The following DBNL variants were observed in gnomAD, a reference collection of about 807,000 sequenced individuals.
DBNL encodes the protein drebrin like, also known as drebrin-like protein.
A neutral mutation model predicts 62.2 loss-of-function variants in DBNL; 35 were observed. The ratio of observed to expected loss-of-function variants is 0.56; its 90% CI spans 0.43 to 0.75. The LOEUF (loss-of-function observed/expected upper bound fraction) is 0.75, where lower values mean the gene tolerates loss of function less well. Ranked by LOEUF, DBNL falls within the 30% of genes least tolerant of loss-of-function variation. The pLI, the probability that DBNL is intolerant of heterozygous loss-of-function variation, is 0.00. For missense variants in DBNL, 495 were observed against 578.4 expected (o/e 0.86, Z 1.48); for synonymous variants, 197 against 218.0 (o/e 0.90, Z 0.85).
intron 3 of DBNL, among the ~76,000 whole-genome samples, chr7:44,052,610 C>CAA (rs756096866): frequency 3.6e-5 from 4 of 109,888 alleles, no homozygotes; most frequent in East Asian, 2.9e-4. Context: ...ACTCCATCTC[C>CAA]AAAAAAAAAA....
At position 44,053,713 on chromosome 7, in the gene DBNL, G is replaced by A. The variant is rs192651795; in HGVS notation, c.327+772G>A. Among the ~76,000 whole-genome samples the A allele has an allele frequency of 4.0e-4, 59 of 147,026 alleles. 1 individual carries two copies. In the East Asian group the frequency reaches 0.01, roughly 25 times the overall value. ...TTTTTTTGAGACTGAGTCTCGCTCC[G>A]TTGCCCAGGCTGGAGTGCAGTGGCG... On this transcript the variant is annotated intron_variant, in intron 4 of 12. Transcript: ENST00000448521.
chr7:44,060,264 C>T lies in DBNL; in HGVS notation c.1153+111C>T. On this transcript the variant is annotated intron_variant, in intron 12 of 12. Transcript: ENST00000448521. The surrounding 1 kb of genome is among the most constrained non-coding windows in gnomAD (Gnocchi z 6.3). ...ACCAGGGGGTATCAGGAAGAGAAGA[C>T]AGGAGGGTGGGCGGTGCGTTTAGGG... 1 of 1,007,750 alleles carries T rather than the reference C, an allele frequency of 9.9e-7. No homozygotes were observed. Among genetic ancestry groups the T allele is most frequent in the Admixed American group, 2.3e-5 (1 of 44,172 alleles). The allele number at this position is 1,007,750 out of a possible 1,614,324, so 62.4% of individuals were successfully genotyped here. A position where few individuals can be genotyped will look rare whatever the true frequency, so the allele number is the denominator to read the frequency against.
chr7:44,063,851 A>C lies in DBNL; in HGVS notation c.*2935A>C, dbSNP rs926617214. ...ACCAAAAGTGCGTCCCCTTTCCCCA[A>C]ACCAGGCTGTGGGAGGGTCATGGGG... On this transcript the variant is annotated 3_prime_UTR_variant, in exon 13 of 13. Transcript: ENST00000448521. The C allele has an allele frequency of 6.6e-6, 1 of 152,342 alleles. No homozygotes were observed. Among genetic ancestry groups the C allele is most frequent in the African/African-American group, 2.4e-5 (1 of 41,466 alleles). The allele number at this position is 152,342 out of a possible 1,614,324, so 9.4% of individuals were successfully genotyped here. A position where few individuals can be genotyped will look rare whatever the true frequency, so the allele number is the denominator to read the frequency against.
At chr7:44,057,684 C>A in intron 5 of DBNL, 98 bp from the exon 6 acceptor site, 1 of 1,337,640 alleles carries the variant, frequency 7.5e-7, no homozygotes, top group Non-Finnish European at 1.1e-6. Flanking sequence ...GCAGCACTCA[C>A]CTGTGCTGTC....
chr7:44,059,100 G>C lies in DBNL; in HGVS notation c.835+117G>C, dbSNP rs535015779. 1.4e-5 allele frequency: 16 copies of C among 1,108,248 alleles called. No homozygotes were observed. Among genetic ancestry groups the C allele is most frequent in the Non-Finnish European group, 2.0e-5 (15 of 765,220 alleles). The allele number at this position is 1,108,248 out of a possible 1,614,324, so 68.7% of individuals were successfully genotyped here. A position where few individuals can be genotyped will look rare whatever the true frequency, so the allele number is the denominator to read the frequency against. ...ATATATCGGTGACGGGTGAGTGAGT[G>C]AGGAGAAGGGACACCTGGGGCCATT... On this transcript the variant is annotated intron_variant, in intron 9 of 12. Coordinates refer to ENST00000448521, the MANE Select transcript of DBNL (RefSeq NM_001014436.3). This position sits in a 1 kb window ranked among gnomAD's most constrained non-coding sequence, Gnocchi z 4.1.
At chr7:44,052,283 C>T (rs910431915) in intron 3 of DBNL, among the ~76,000 whole-genome samples, 2 of 151,992 alleles carry the variant, frequency 1.3e-5, no homozygotes, top group Non-Finnish European at 2.9e-5. Flanking sequence ...AGTACAGGGA[C>T]AGGGCCTCCT....
chr7:44,064,809 C>CCCG lies in DBNL; in HGVS notation c.*3893_*3894insCCG. ...GGGGCTGCTGCCCACCCACCCTGCCCAGGCTCCTGAAGGTGGCCTCACCTT... is the reference window on the plus strand; with the variant it reads ...GGGGCTGCTGCCCACCCACCCTGCCCCCGAGGCTCCTGAAGGTGGCCTCACCTT... On this transcript the variant is annotated 3_prime_UTR_variant, in exon 13 of 13. Transcript: ENST00000448521. 6.4e-7 allele frequency: 1 copy of CCCG among 1,556,856 alleles called. No individual in the cohort carries two copies. Among genetic ancestry groups the CCCG allele is most frequent in the Non-Finnish European group, 8.7e-7 (1 of 1,145,054 alleles).
At position 44,064,390 on chromosome 7, in the gene DBNL, G is replaced by C. The variant is rs1462692264; in HGVS notation, c.*3474G>C. 5 of 229,650 alleles carry C rather than the reference G, an allele frequency of 2.2e-5. No homozygotes were observed. Among genetic ancestry groups the C allele is most frequent in the Non-Finnish European group, 4.4e-5 (5 of 114,216 alleles). The allele number at this position is 229,650 out of a possible 1,614,324, so 14.2% of individuals were successfully genotyped here. On this transcript the variant is annotated 3_prime_UTR_variant, in exon 13 of 13. Coordinates refer to ENST00000448521, the MANE Select transcript of DBNL (RefSeq NM_001014436.3). ...AGGACCTGATGGGGGAGGGCCCTGCGAGGGGTCCAAGCCTACATCAAGAGG... is the reference window on the plus strand; with the variant it reads ...AGGACCTGATGGGGGAGGGCCCTGCCAGGGGTCCAAGCCTACATCAAGAGG...
At position 44,065,263 on chromosome 7, in the gene DBNL, C is replaced by T; in HGVS notation, c.*4347C>T. The T allele has an allele frequency of 6.2e-7, 1 of 1,613,818 alleles. No individual in the cohort carries two copies. The highest frequency in any genetic ancestry group is 8.5e-7 in the Non-Finnish European group (1 of 1,180,052). On this transcript the variant is annotated 3_prime_UTR_variant, in exon 13 of 13. Coordinates refer to ENST00000448521, the MANE Select transcript of DBNL (RefSeq NM_001014436.3). ...GGCCTGTGAGGCCCCCGTAATGCCG[C>T]TCATTGAGGCGCCAAGTGCGCACCA...
In DBNL at chr7:44,063,469, C is replaced by G. The variant is rs1306342888; in HGVS notation, c.*2553C>G. 1.1e-5 allele frequency: 2 copies of G among 185,004 alleles called. No individual in the cohort carries two copies. The highest frequency in any genetic ancestry group is 2.3e-5 in the Non-Finnish European group (2 of 86,478). The allele number at this position is 185,004 out of a possible 1,614,324, so 11.5% of individuals were successfully genotyped here. ...GCTAATTTTGTATTTTTAGTAGAAA[C>G]GGGTTTTACCATGTTGGTCAGGCTG... On this transcript the variant is annotated 3_prime_UTR_variant, in exon 13 of 13. Coordinates refer to ENST00000448521, the MANE Select transcript of DBNL (RefSeq NM_001014436.3).
At position 44,065,221 on chromosome 7, in the gene DBNL, C is replaced by T. The variant is rs372080857; in HGVS notation, c.*4305C>T. 14 of 1,613,912 alleles carry T rather than the reference C, an allele frequency of 8.7e-6. No homozygotes were observed. The highest frequency in any genetic ancestry group is 2.7e-5 in the African/African-American group (2 of 74,948). On this transcript the variant is annotated 3_prime_UTR_variant, in exon 13 of 13. Transcript: ENST00000448521. ...CCTGCTCCTCCCCGTGCTTGGCGGC[C>T]GTTTCTGCCTTGTTGAGGCCTGTGA...
At chr7:44,055,887 T>C (rs1402084676) in intron 4 of DBNL, among the ~76,000 whole-genome samples, 1 of 152,224 alleles carries the variant, frequency 6.6e-6, no homozygotes, top group Admixed American at 6.5e-5. Flanking sequence ...GATTGTTTCA[T>C]TTGCTGTGCA....
In DBNL at chr7:44,044,825, G is replaced by A; in HGVS notation, c.83+5G>A. ...CGAGAAGTCCCCGACCGACTGGTGG[G>A]CGGCGAGACGGGCCAGGGTCGGGCC... On this transcript the variant is annotated splice_donor_5th_base_variant and intron_variant, in intron 1 of 12. Coordinates refer to ENST00000448521, the MANE Select transcript of DBNL (RefSeq NM_001014436.3). 5.4e-6 allele frequency: 8 copies of A among 1,470,390 alleles called. No homozygotes were observed. The highest frequency in any genetic ancestry group is 6.3e-6 in the Non-Finnish European group (7 of 1,109,182). The allele number at this position is 1,470,390 out of a possible 1,614,324, so 91.1% of individuals were successfully genotyped here.
intron 1 of DBNL, among the ~76,000 whole-genome samples, chr7:44,049,323 A>AT (rs1281591092): frequency 2.0e-5 from 3 of 151,928 alleles, no homozygotes; most frequent in Non-Finnish European, 4.4e-5. Context: ...CGCCCAGCTG[A>AT]TTTTTTGTAT....
chr7:44,052,344 T>C (rs1212447545), intron 3 of DBNL, among the ~76,000 whole-genome samples: 1 of 151,966 alleles, frequency 6.6e-6, no homozygotes, highest in African/African-American at 2.4e-5. Flanking sequence ...GTGGGGTGGC[T>C]CACACCTGTC....
In DBNL at chr7:44,058,356, C is replaced by T. The variant is rs946286440; in HGVS notation, c.704+76C>T. On this transcript the variant is annotated intron_variant, in intron 7 of 12. Transcript: ENST00000448521. Reference sequence around the variant, plus strand: ...GGGCACCTGCTCCATCCCATGGAGGCGAGGAGGACTAAGGGGTGTGGCATG... The same window carrying T: ...GGGCACCTGCTCCATCCCATGGAGGTGAGGAGGACTAAGGGGTGTGGCATG... 5.6e-6 allele frequency: 9 copies of T among 1,607,906 alleles called. No homozygotes were observed. The African/African-American group carries it at 6.7e-5, about 12-fold the overall frequency.
At position 44,060,181 on chromosome 7, in the gene DBNL, G is replaced by C. The variant is rs2128794501; in HGVS notation, c.1153+28G>C. ...AAGGTGCCCTGGCCTGGCTGGCACAGACCACAGGGTCCTGAGGTTAGGAGA... is the reference window on the plus strand; with the variant it reads ...AAGGTGCCCTGGCCTGGCTGGCACACACCACAGGGTCCTGAGGTTAGGAGA... On this transcript the variant is annotated intron_variant, in intron 12 of 12. Coordinates refer to ENST00000448521, the MANE Select transcript of DBNL (RefSeq NM_001014436.3). The surrounding 1 kb of genome is among the most constrained non-coding windows in gnomAD (Gnocchi z 6.3). The C allele has an allele frequency of 1.3e-6, 2 of 1,587,658 alleles. No individual in the cohort carries two copies. Among genetic ancestry groups the C allele is most frequent in the Non-Finnish European group, 8.6e-7 (1 of 1,158,940 alleles).
chr7:44,049,314 G>A (rs2096122471), intron 1 of DBNL, among the ~76,000 whole-genome samples: 1 of 152,080 alleles, frequency 6.6e-6, no homozygotes. Context: ...CTGCTGCCAC[G>A]CCCAGCTGAT....
intron 1 of DBNL, among the ~76,000 whole-genome samples, chr7:44,047,970 G>A (rs1266545908): frequency 1.5e-5 from 2 of 136,830 alleles, no homozygotes; most frequent in Admixed American, 1.6e-4. Flanking sequence ...AGGCTGGAGT[G>A]AAGTGGCACG....
Sources: allele counts gnomAD v4.1 joint callset (sites outside exome capture counted in the v4.1 genomes callset), GRCh38; gene constraint gnomAD v4.1.1; non-coding constraint Gnocchi (gnomAD v3.1); transcripts MANE v1.5; gene names NCBI Gene and HGNC (gene_info 2026-07-23, HGNC 2026-07-21).